The following TBC1D24 variants were observed in gnomAD, a reference collection of about 807,000 sequenced individuals.
TBC1D24 encodes TBC1 domain family member 24, also known as Infantile myoclonic epilepsy.
TBC1D24 carries 47 observed loss-of-function variants against 50.7 expected under a neutral mutation model. The observed-to-expected ratio is 0.93, with a 90% CI of 0.73 to 1.18. The LOEUF is 1.18. Ranked by LOEUF, TBC1D24 falls within the 50% of genes most tolerant of loss-of-function variation. TBC1D24 has a pLI of 0.00. For synonymous variants in TBC1D24, 324 were observed against 335.2 expected (o/e 0.97, Z 0.36); for missense variants, 688 against 766.5 (o/e 0.90, Z 1.21).
At chr16:2,489,968 G>A (rs188466054) in intron 1 of TBC1D24, among the ~76,000 whole-genome samples, 465 of 152,278 alleles carry the variant, frequency 3.1e-3, no homozygotes, top group African/African-American at 0.01. Context: ...TGCCCTCTGC[G>A]CCCTGTAGCG....
Position 2,496,544 on chromosome 16 carries a change from C to G in TBC1D24, c.396C>G (p.Pro132=). Residue 132 remains proline (P), a synonymous_variant, in exon 2 of 8, where the codon CCC becomes CCG. Transcript: ENST00000646147. Reference sequence around the variant, plus strand: ...AGTTCCCCGACATCTCCTTCTGCCCCGCCCTGCCGGCCGTGGTGGCCCTGC... The same window carrying G: ...AGTTCCCCGACATCTCCTTCTGCCCGGCCCTGCCGGCCGTGGTGGCCCTGC... The part of the protein sequence containing the change: ...ANQFPDISFC[P]ALPAVVALLL... 1 of 1,608,518 alleles carries G rather than the reference C, an allele frequency of 6.2e-7. No homozygotes were observed. Among genetic ancestry groups the G allele is most frequent in the Non-Finnish European group, 8.5e-7 (1 of 1,179,976 alleles).
rs1233243936 is a variant in TBC1D24 at position 2,504,381 on chromosome 16, G to A, written c.*3423G>A. On this transcript the variant is annotated 3_prime_UTR_variant, in exon 8 of 8. Coordinates refer to ENST00000646147, the MANE Select transcript of TBC1D24 (RefSeq NM_001199107.2). ...AAGAAATAAGCATTGTTGCATTGCT[G>A]TTAACTAAACCACAGGCCTATTGAG... 1 of 142,848 alleles carries A rather than the reference G, an allele frequency of 7.0e-6. No homozygotes were observed. The highest frequency in any genetic ancestry group is 2.7e-5 in the African/African-American group (1 of 37,662). 8.8% of individuals were successfully genotyped at this position (142,848 alleles called of 1,614,324 possible).
chr16:2,476,207 C>T (rs986768344), intron 1 of TBC1D24, among the ~76,000 whole-genome samples: 3 of 152,240 alleles, frequency 2.0e-5, no homozygotes, highest in African/African-American at 7.2e-5. Context: ...TGGGCCGTTT[C>T]CTCCACCCGA....
rs983283113 is a variant in TBC1D24 at position 2,500,686 on chromosome 16, A to G, written c.1526-118A>G. 125 of 1,423,048 alleles carry G rather than the reference A, an allele frequency of 8.8e-5. No homozygotes were observed. Among genetic ancestry groups the G allele is most frequent in the Admixed American group, 1.9e-4 (9 of 46,418 alleles). The allele number at this position is 1,423,048 out of a possible 1,614,324, so 88.2% of individuals were successfully genotyped here. A position where few individuals can be genotyped will look rare whatever the true frequency, so the allele number is the denominator to read the frequency against. ...TGGTCCTGGGGGCTATGGAGGGTCA[A>G]CGGTCTGTGCGGTTTCAGAGAGGCC... On this transcript the variant is annotated intron_variant, in intron 7 of 7. Coordinates refer to ENST00000646147, the MANE Select transcript of TBC1D24 (RefSeq NM_001199107.2). This position sits in a 1 kb window ranked among gnomAD's most constrained non-coding sequence, Gnocchi z 8.0.
In TBC1D24 at chr16:2,486,010, C is replaced by T. The variant is rs1486199633; in HGVS notation, c.-115-10024C>T. 1.3e-5 allele frequency among the ~76,000 whole-genome samples: 2 copies of T among 152,232 alleles called. No individual in the cohort carries two copies. Among genetic ancestry groups the T allele is most frequent in the African/African-American group, 2.4e-5 (1 of 41,460 alleles). Reference sequence around the variant, plus strand: ...TCCCTGGATCTTGCGGATCTCGCGCCCGGGCTGGAATGCCTGTGCTGCCCT... The same window carrying T: ...TCCCTGGATCTTGCGGATCTCGCGCTCGGGCTGGAATGCCTGTGCTGCCCT... On this transcript the variant is annotated intron_variant, in intron 1 of 7. Transcript: ENST00000646147. The surrounding 1 kb of genome is among the most constrained non-coding windows in gnomAD (Gnocchi z 5.8).
At position 2,487,561 on chromosome 16, in the gene TBC1D24, T is replaced by G. The variant is rs777454940; in HGVS notation, c.-115-8473T>G. On this transcript the variant is annotated intron_variant, in intron 1 of 7. Coordinates refer to ENST00000646147, the MANE Select transcript of TBC1D24 (RefSeq NM_001199107.2). This position sits in a 1 kb window ranked among gnomAD's most constrained non-coding sequence, Gnocchi z 4.1. ...CATTCCCCTCTGAAGAAGCGAGACG[T>G]GCAGAGGCCTCGTGACTCAGGCTGT... 2.3e-4 allele frequency among the ~76,000 whole-genome samples: 35 copies of G among 152,356 alleles called. No individual in the cohort carries two copies. Among genetic ancestry groups the G allele is most frequent in the Admixed American group, 5.9e-4 (9 of 15,302 alleles).
chr16:2,493,739 T>G (rs2065715295), intron 1 of TBC1D24: 1 of 152,152 alleles, frequency 6.6e-6, no homozygotes, highest in Non-Finnish European at 1.5e-5. Context: ...AACCTTGCAC[T>G]TCTGTGCGCA....
chr16:2,497,420 G>T (rs574595036), intron 2 of TBC1D24, among the ~76,000 whole-genome samples: 131 of 152,348 alleles, frequency 8.6e-4, no homozygotes, highest in African/African-American at 3.0e-3. Context: ...GGCAGCCTCT[G>T]CTCCACCCCT....
chr16:2,493,083 ACT>A (rs2065709265), intron 1 of TBC1D24, among the ~76,000 whole-genome samples: 1 of 151,786 alleles, frequency 6.6e-6, no homozygotes, highest in African/African-American at 2.4e-5. Context: ...ACAGTGCGGC[ACT>A]CTGTCTCAAA....
rs758431838 is a variant in TBC1D24 at position 2,500,879 on chromosome 16, A to G, written c.1601A>G (p.Asn534Ser). The G allele has an allele frequency of 6.2e-6, 10 of 1,613,118 alleles. No homozygotes were observed. The highest frequency in any genetic ancestry group is 1.7e-5 in the Admixed American group (1 of 60,024). Residue 534 changes from asparagine to serine, a missense_variant, in exon 8 of 8, where the codon AAC becomes AGC. Coordinates refer to ENST00000646147, the MANE Select transcript of TBC1D24 (RefSeq NM_001199107.2). This position sits in a 1 kb window ranked among gnomAD's most constrained non-coding sequence, Gnocchi z 8.0. The stretch of plus-strand genomic sequence containing the variant: ...CGCACAAGCCACTGCGACACCTTCA[A>G]CAACCAGCCCCTCTGCTCCGAGAAC... ...RGRTSHCDTF[N>S]NQPLCSENFL...
chr16:2,500,027 C>G lies in TBC1D24; in HGVS notation c.1302+97C>G. 8.6e-7 allele frequency: 1 copy of G among 1,157,778 alleles called. No individual in the cohort carries two copies. The highest frequency in any genetic ancestry group is 1.3e-6 in the Non-Finnish European group (1 of 765,020). The allele number at this position is 1,157,778 out of a possible 1,614,324, so 71.7% of individuals were successfully genotyped here. On this transcript the variant is annotated intron_variant, in intron 6 of 7. Transcript: ENST00000646147. This position sits in a 1 kb window ranked among gnomAD's most constrained non-coding sequence, Gnocchi z 8.0. ...GCCCTGGGGACACTGTTGGGTGTCG[C>G]CATGGCAGTCACCCAGCAGCGTCAT... is the stretch of plus-strand genomic sequence containing the variant.
intron 1 of TBC1D24, among the ~76,000 whole-genome samples, chr16:2,491,745 G>A (rs556021160): frequency 1.8e-4 from 28 of 152,144 alleles, no homozygotes; most frequent in African/African-American, 5.1e-4. Context: ...TAGTAGAGAC[G>A]GGGTTTTACC....
rs536289884 is a variant in TBC1D24, at chr16:2,485,731, C to T, written c.-115-10303C>T. Reference sequence around the variant, plus strand: ...AATTGGAGGACACCCTGCGGGCGCCCGCTGCAGAATGGATTGCTTGCTGCC... The same window carrying T: ...AATTGGAGGACACCCTGCGGGCGCCTGCTGCAGAATGGATTGCTTGCTGCC... On this transcript the variant is annotated intron_variant, in intron 1 of 7. Coordinates refer to ENST00000646147, the MANE Select transcript of TBC1D24 (RefSeq NM_001199107.2). The surrounding 1 kb of genome is among the most constrained non-coding windows in gnomAD (Gnocchi z 4.6). Among the ~76,000 whole-genome samples the T allele has an allele frequency of 9.2e-5, 14 of 152,284 alleles. No individual in the cohort carries two copies. Among genetic ancestry groups the T allele is most frequent in the African/African-American group, 3.1e-4 (13 of 41,554 alleles).
rs565646990 is a variant in TBC1D24 at position 2,487,540 on chromosome 16, C to T, written c.-115-8494C>T. Among the ~76,000 whole-genome samples the T allele has an allele frequency of 1.3e-5, 2 of 152,344 alleles. No individual in the cohort carries two copies. The highest frequency in any genetic ancestry group is 3.9e-4 in the East Asian group (2 of 5,188). On this transcript the variant is annotated intron_variant, in intron 1 of 7. Coordinates refer to ENST00000646147, the MANE Select transcript of TBC1D24 (RefSeq NM_001199107.2). The surrounding 1 kb of genome is among the most constrained non-coding windows in gnomAD (Gnocchi z 4.1). ...TCCGGTTGTTTGGGAAAATCACATTCCCCTCTGAAGAAGCGAGACGTGCAG... is the reference window on the plus strand; with the variant it reads ...TCCGGTTGTTTGGGAAAATCACATTTCCCTCTGAAGAAGCGAGACGTGCAG...
At chr16:2,496,008 C>T (rs762422063) in intron 1 of TBC1D24, 26 bp from the exon 2 acceptor site, 1 of 1,054,614 alleles carries the variant, frequency 9.5e-7, no homozygotes, top group Non-Finnish European at 1.4e-6. Context: ...AACACAGATG[C>T]TAAAAGTGTT....
At chr16:2,491,715 C>T (rs2065696761) in intron 1 of TBC1D24, among the ~76,000 whole-genome samples, 1 of 152,090 alleles carries the variant, frequency 6.6e-6, no homozygotes, top group African/African-American at 2.4e-5. Context: ...CCACCACACC[C>T]AGCTAATTTT....
At chr16:2,484,039 G>A (rs944905664) in intron 1 of TBC1D24, 2 of 152,240 alleles carry the variant, frequency 1.3e-5, no homozygotes, top group African/African-American at 4.8e-5. Context: ...TTCTCAAAAT[G>A]TGCCTGTGCA....
intron 1 of TBC1D24, among the ~76,000 whole-genome samples, chr16:2,493,135 T>G (rs1420614087): frequency 6.7e-6 from 1 of 150,056 alleles, no homozygotes; most frequent in Non-Finnish European, 1.5e-5. Context: ...GGTAAATTTT[T>G]TGTTTGTTTG....
Position 2,500,833 on chromosome 16 carries a change from G to A in TBC1D24, c.1555G>A (p.Asp519Asn), listed in dbSNP as rs765963990. 19 of 1,608,246 alleles carry A rather than the reference G, an allele frequency of 1.2e-5. No individual in the cohort carries two copies. Among genetic ancestry groups the A allele is most frequent in the East Asian group, 2.2e-5 (1 of 44,888 alleles). ...GGGGGQALYI[D>N]GDLNRGRTSH... ...AGGAGGCGGCCAGGCGCTCTACATC[G>A]ATGGGGACCTGAACCGGGGCCGCAC... Residue 519 changes from aspartate (D) to asparagine (N), a missense_variant, in exon 8 of 8, where the codon GAT (aspartate) becomes AAT (asparagine). Transcript: ENST00000646147. The surrounding 1 kb of genome is among the most constrained non-coding windows in gnomAD (Gnocchi z 8.0).
Sources: allele counts gnomAD v4.1 joint callset (sites outside exome capture counted in the v4.1 genomes callset), GRCh38; gene constraint gnomAD v4.1.1; non-coding constraint Gnocchi (gnomAD v3.1); transcripts MANE v1.5; gene names NCBI Gene and HGNC (gene_info 2026-07-23, HGNC 2026-07-21).